The following FNDC3B variants were observed in gnomAD, a reference collection of about 807,000 sequenced individuals.
The protein encoded by FNDC3B is fibronectin type III domain containing 3B, also known as fibronectin type III domain-containing protein 3B.
FNDC3B carries 12 observed loss-of-function variants against 151.5 expected under a neutral mutation model. The ratio of observed to expected loss-of-function variants is 0.08; its 90% CI spans 0.05 to 0.13. FNDC3B has a LOEUF of 0.13. FNDC3B is among the 10% of genes least tolerant of loss of function. FNDC3B has a pLI of 1.00. For missense variants in FNDC3B, 1,214 were observed against 1,505.3 expected (o/e 0.81, Z 3.20); for synonymous variants, 528 against 549.0 (o/e 0.96, Z 0.54).
chr3:172,237,622 TG>T (rs1314993292), intron 4 of FNDC3B: 2 of 152,088 alleles, frequency 1.3e-5, no homozygotes, highest in Non-Finnish European at 2.9e-5. Context: ...AAAGCACCAA[TG>T]GGATGGGAAA....
chr3:172,209,888 C>T (rs1018611017), intron 3 of FNDC3B, among the ~76,000 whole-genome samples: 4 of 152,290 alleles, frequency 2.6e-5, no homozygotes, highest in African/African-American at 9.6e-5. Context: ...TGCCCAACGT[C>T]TGGAGGGAGT....
At chr3:172,209,141 C>T (rs1397978519) in intron 3 of FNDC3B, among the ~76,000 whole-genome samples, 7 of 151,992 alleles carry the variant, frequency 4.6e-5, no homozygotes, top group East Asian at 1.9e-4. Flanking sequence ...GGGTGGGGGT[C>T]GTGTTTCAGC....
At chr3:172,094,775 T>C (rs755528953) in intron 1 of FNDC3B, among the ~76,000 whole-genome samples, 7 of 151,516 alleles carry the variant, frequency 4.6e-5, no homozygotes, top group African/African-American at 7.3e-5. Flanking sequence ...CCATCTCTTA[T>C]GGGTGCTTCT....
intron 3 of FNDC3B, among the ~76,000 whole-genome samples, chr3:172,214,621 T>G (rs1483943232): frequency 6.6e-6 from 1 of 152,240 alleles, no homozygotes; most frequent in Non-Finnish European, 1.5e-5. Flanking sequence ...ATCAGGTAGA[T>G]AAACTATGAC....
At chr3:172,393,493 G>T (rs150249732) in intron 25 of FNDC3B, among the ~76,000 whole-genome samples, 19 of 152,252 alleles carry the variant, frequency 1.2e-4, no homozygotes, top group Non-Finnish European at 2.6e-4. Context: ...CAATACTGTA[G>T]ACCAAATGGA....
At chr3:172,120,977 A>G (rs888256390) in intron 2 of FNDC3B, among the ~76,000 whole-genome samples, 2 of 152,194 alleles carry the variant, frequency 1.3e-5, no homozygotes, top group South Asian at 4.1e-4. Flanking sequence ...AAAAAAAACA[A>G]CAACAACAAC....
At chr3:172,248,318 C>A (rs1341667965) in intron 5 of FNDC3B, among the ~76,000 whole-genome samples, 2 of 152,160 alleles carry the variant, frequency 1.3e-5, no homozygotes, top group Non-Finnish European at 2.9e-5. Flanking sequence ...CTTCCTGAAC[C>A]TGCTTTTAGT....
At chr3:172,191,806 G>A (rs935509403) in intron 3 of FNDC3B, among the ~76,000 whole-genome samples, 13 of 152,070 alleles carry the variant, frequency 8.5e-5, no homozygotes, top group African/African-American at 2.9e-4. Flanking sequence ...GTCAGGCACT[G>A]TGTATTTTGC....
intron 1 of FNDC3B, among the ~76,000 whole-genome samples, chr3:172,062,028 C>T (rs570591709): frequency 3.3e-5 from 5 of 152,240 alleles, no homozygotes; most frequent in South Asian, 4.1e-4. Context: ...AAAGAAGTTA[C>T]GTGAGGTAAT....
intron 17 of FNDC3B, among the ~76,000 whole-genome samples, chr3:172,341,630 T>G (rs1733329592): frequency 6.6e-6 from 1 of 152,192 alleles, no homozygotes; most frequent in South Asian, 2.1e-4. Context: ...ATCTATCAAT[T>G]TTAAGAATTT....
chr3:172,044,777 A>G (rs1275626590), intron 1 of FNDC3B, among the ~76,000 whole-genome samples: 1 of 152,222 alleles, frequency 6.6e-6, no homozygotes, highest in African/African-American at 2.4e-5. Context: ...AACCCATGAC[A>G]TATGGTTTGA....
chr3:172,394,522 G>A (rs1252025119), intron 25 of FNDC3B, among the ~76,000 whole-genome samples: 4 of 152,134 alleles, frequency 2.6e-5, no homozygotes, highest in African/African-American at 9.7e-5. Flanking sequence ...TAAATTTCTA[G>A]ATACATGCAA....
At chr3:172,144,013 CTG>C (rs960623143) in intron 3 of FNDC3B, among the ~76,000 whole-genome samples, 4 of 152,060 alleles carry the variant, frequency 2.6e-5, no homozygotes, top group African/African-American at 9.7e-5. Flanking sequence ...ATACTTGAGA[CTG>C]TGTAGCTTAT....
intron 1 of FNDC3B, among the ~76,000 whole-genome samples, chr3:172,104,566 G>T (rs1362429815): frequency 6.6e-6 from 1 of 152,128 alleles, no homozygotes; most frequent in East Asian, 1.9e-4. Context: ...TTAGCTCAAG[G>T]AAAAGCACTA....
intron 11 of FNDC3B, among the ~76,000 whole-genome samples, chr3:172,313,675 A>T (rs1173763845): frequency 6.6e-6 from 1 of 152,202 alleles, no homozygotes; most frequent in Non-Finnish European, 1.5e-5. Flanking sequence ...CACAAATAAA[A>T]CACGTTGCCA....
intron 21 of FNDC3B, among the ~76,000 whole-genome samples, chr3:172,351,271 T>C (rs373352348): frequency 6.6e-6 from 1 of 152,126 alleles, no homozygotes; most frequent in Admixed American, 6.5e-5. Context: ...TTCTCTCAAA[T>C]GAAGGTGATT....
At chr3:172,281,255 T>TTATA (rs1197751444) in intron 6 of FNDC3B, among the ~76,000 whole-genome samples, 2 of 130,396 alleles carry the variant, frequency 1.5e-5, no homozygotes, top group Non-Finnish European at 1.6e-5. Context: ...ATTTATTTAT[T>TTATA]TATATTTTGA....
At chr3:172,080,854 A>G (rs951127055) in intron 1 of FNDC3B, among the ~76,000 whole-genome samples, 3 of 152,208 alleles carry the variant, frequency 2.0e-5, no homozygotes, top group African/African-American at 7.2e-5. Flanking sequence ...TCTGAATCCA[A>G]CTGTTAGATT....
At chr3:172,278,228 A>G (rs1363668829) in intron 6 of FNDC3B, among the ~76,000 whole-genome samples, 1 of 152,250 alleles carries the variant, frequency 6.6e-6, no homozygotes, top group Non-Finnish European at 1.5e-5. Context: ...TCTTGCAAAA[A>G]GTATTGTATA....
Sources: gnomAD v4.1 joint callset for allele counts (sites outside exome capture counted in the v4.1 genomes callset) on GRCh38, gnomAD v4.1.1 for gene constraint, MANE v1.5 for transcripts, NCBI Gene and HGNC (gene_info 2026-07-23, HGNC 2026-07-21) for gene names.